Variants in GSG1L observed in about 807,000 individuals in gnomAD.
The protein encoded by GSG1L is germ cell-specific gene 1-like protein.
Under a neutral mutation model 42.1 loss-of-function variants are expected in GSG1L, and 24 were observed. That is an observed-to-expected ratio of 0.57 (90% CI 0.41 to 0.80). The LOEUF is 0.80. GSG1L is among the 30% of genes least tolerant of loss of function. GSG1L has a pLI of 0.00. For synonymous variants in GSG1L, 215 were observed against 203.5 expected, an observed-to-expected ratio of 1.06 and a Z score of -0.48; for missense variants, 445 against 472.2, an observed-to-expected ratio of 0.94 and a Z score of 0.53.
chr16:27,996,681 G>A (rs1190260242), intron 1 of GSG1L, among the ~76,000 whole-genome samples: 5 of 152,146 alleles, frequency 3.3e-5, no homozygotes, highest in Non-Finnish European at 5.9e-5. Flanking sequence ...TCCATCAGAC[G>A]CTCTATTCAT....
At chr16:28,026,216 C>G (rs928561518) in intron 1 of GSG1L, among the ~76,000 whole-genome samples, 3 of 152,230 alleles carry the variant, frequency 2.0e-5, no homozygotes, top group African/African-American at 7.2e-5. Context: ...CTCGCAAGAT[C>G]TTGCAGGTCC....
intron 1 of GSG1L, among the ~76,000 whole-genome samples, chr16:28,039,500 G>A (rs2086080366): frequency 1.3e-5 from 2 of 152,034 alleles, no homozygotes; most frequent in African/African-American, 4.8e-5. Flanking sequence ...CCAAAGTTGA[G>A]AATCCCTCAG....
intron 5 of GSG1L, chr16:27,823,949 T>G (rs1422678715): frequency 1.4e-6 from 1 of 702,670 alleles, no homozygotes; most frequent in Non-Finnish European, 2.6e-6. Flanking sequence ...CACTTACACA[T>G]AGAAAGGCAT....
intron 2 of GSG1L, among the ~76,000 whole-genome samples, chr16:27,947,543 A>AAG: frequency 2.9e-5 from 1 of 34,738 alleles, no homozygotes; most frequent in South Asian, 6.3e-4. Flanking sequence ...GAATGAAGGA[A>AAG]AGAAAGAAAG....
intron 1 of GSG1L, among the ~76,000 whole-genome samples, chr16:28,034,267 C>G (rs1429876398): frequency 7.5e-6 from 1 of 134,170 alleles, no homozygotes. Context: ...CCCATCCCAT[C>G]CCATCCCATT....
intron 5 of GSG1L, among the ~76,000 whole-genome samples, chr16:27,808,421 CTTT>C (rs11388084): frequency 2.8e-5 from 4 of 141,750 alleles, no homozygotes; most frequent in Non-Finnish European, 3.1e-5. Flanking sequence ...TAAAACACAT[CTTT>C]TTTTTTTTTT....
intron 2 of GSG1L, among the ~76,000 whole-genome samples, chr16:27,957,985 G>A (rs912255623): frequency 6.6e-6 from 1 of 152,110 alleles, no homozygotes; most frequent in Non-Finnish European, 1.5e-5. Flanking sequence ...CATTACCAAG[G>A]GGACGGCACC....
intron 1 of GSG1L, among the ~76,000 whole-genome samples, chr16:28,004,462 AGAGT>A (rs1319895440): frequency 1.4e-5 from 2 of 140,108 alleles, no homozygotes; most frequent in African/African-American, 5.2e-5. Context: ...AGAGAAGGGG[AGAGT>A]GAGTGAGGAA....
intron 2 of GSG1L, among the ~76,000 whole-genome samples, chr16:27,896,470 G>A (rs1200493176): frequency 6.6e-6 from 1 of 152,144 alleles, no homozygotes; most frequent in African/African-American, 2.4e-5. Context: ...TTAATACCTA[G>A]GTGATGGGTT....
intron 3 of GSG1L, among the ~76,000 whole-genome samples, chr16:27,879,006 G>C (rs1289263563): frequency 6.6e-6 from 1 of 152,196 alleles, no homozygotes; most frequent in African/African-American, 2.4e-5. Context: ...ACAATCAGGG[G>C]AGAGGGAGGA....
In GSG1L at chr16:27,884,499, G is replaced by A; in HGVS notation, c.537C>T (p.Phe179=). ...GLKLNAFAAV[F]TVLSGLLGMV... is the part of the protein sequence containing the mutation. ...GCCATGCCTTACCTGAGAGCACCGT[G>A]AAGACAGCCGCGAAGGCATTGAGCT... Residue 179 remains phenylalanine (F), a synonymous_variant, in exon 3 of 7, where the codon TTC becomes TTT. Coordinates refer to ENST00000447459, the MANE Select transcript of GSG1L (RefSeq NM_001109763.2). This position sits in a 1 kb window ranked among gnomAD's most constrained non-coding sequence, Gnocchi z 4.4. 2 of 1,613,746 alleles carry A rather than the reference G, an allele frequency of 1.2e-6. No homozygotes were observed. The highest frequency in any genetic ancestry group is 2.2e-5 in the South Asian group (2 of 90,984).
rs1011579202 is a variant in GSG1L at position 28,059,527 on chromosome 16, A to C, written c.349+3549T>G. On this transcript the variant is annotated intron_variant, in intron 1 of 6. Transcript: ENST00000447459. This position sits in a 1 kb window ranked among gnomAD's most constrained non-coding sequence, Gnocchi z 4.4. ...CACCCCTTTCCTGCGGCTCAAAAGC[A>C]TACAGGATGAAGTCCAACGCATGTG... Among the ~76,000 whole-genome samples, 2 of 147,546 alleles carry C rather than the reference A, an allele frequency of 1.4e-5. No homozygotes were observed. Among genetic ancestry groups the C allele is most frequent in the Non-Finnish European group, 3.0e-5 (2 of 67,458 alleles).
intron 2 of GSG1L, among the ~76,000 whole-genome samples, chr16:27,913,188 A>G (rs2084412036): frequency 6.6e-6 from 1 of 152,314 alleles, no homozygotes; most frequent in Middle Eastern, 3.4e-3. Context: ...TACCATGTTA[A>G]CATGATAACA....
chr16:28,035,052 T>C (rs1452837134), intron 1 of GSG1L, among the ~76,000 whole-genome samples: 1 of 152,138 alleles, frequency 6.6e-6, no homozygotes, highest in African/African-American at 2.4e-5. Context: ...TCTTACTCTG[T>C]CTCCCAGGCT....
chr16:27,959,336 CGT>C (rs879367569), intron 2 of GSG1L, among the ~76,000 whole-genome samples: 27,865 of 149,736 alleles, frequency 0.19, 3,102 homozygotes, highest in East Asian at 0.46. Flanking sequence ...GGCATGGTGG[CGT>C]GCGCCTGTAA....
intron 2 of GSG1L, among the ~76,000 whole-genome samples, chr16:27,935,552 T>C (rs1201947112): frequency 6.6e-6 from 1 of 152,106 alleles, no homozygotes; most frequent in African/African-American, 2.4e-5. Flanking sequence ...CTCCCCAAGA[T>C]CTGGGCAGGG....
chr16:28,009,478 A>C (rs1292599311), intron 1 of GSG1L, among the ~76,000 whole-genome samples: 1 of 152,198 alleles, frequency 6.6e-6, no homozygotes, highest in Non-Finnish European at 1.5e-5. Flanking sequence ...TCCTCACTGG[A>C]CCATCAGTTC....
At chr16:28,053,655 G>T (rs2086244373) in intron 1 of GSG1L, among the ~76,000 whole-genome samples, 1 of 152,190 alleles carries the variant, frequency 6.6e-6, no homozygotes, top group Non-Finnish European at 1.5e-5. Flanking sequence ...GCTATTTCGG[G>T]CTCCCCTCGC....
chr16:27,876,682 C>A (rs2083891617), intron 3 of GSG1L, among the ~76,000 whole-genome samples: 1 of 152,152 alleles, frequency 6.6e-6, no homozygotes, highest in Admixed American at 6.5e-5. Flanking sequence ...AGTTGGTATG[C>A]TTTGCCCCTT....
Sources: allele counts gnomAD v4.1 joint callset (sites outside exome capture counted in the v4.1 genomes callset), GRCh38; gene constraint gnomAD v4.1.1; non-coding constraint Gnocchi (gnomAD v3.1); transcripts MANE v1.5; gene names NCBI Gene and HGNC (gene_info 2026-07-23, HGNC 2026-07-21).